FTO: variants seen among roughly 807,000 people sequenced by gnomAD.
The protein encoded by FTO is alpha-ketoglutarate-dependent dioxygenase FTO.
Under a neutral mutation model 63.9 loss-of-function variants are expected in FTO, and 47 were observed. That is an observed-to-expected ratio of 0.74 (90% CI 0.58 to 0.94). The LOEUF (loss-of-function observed/expected upper bound fraction) is 0.94. FTO is among the 40% of genes least tolerant of loss of function. The pLI is 0.00. For missense variants in FTO, 562 were observed against 618.1 expected, an observed-to-expected ratio of 0.91 and a Z score of 0.96; for synonymous variants, 207 against 224.4, an observed-to-expected ratio of 0.92 and a Z score of 0.69.
chr16:53,868,808 A>G (rs985526592), intron 4 of FTO, among the ~76,000 whole-genome samples: 4 of 151,912 alleles, frequency 2.6e-5, no homozygotes, highest in African/African-American at 7.3e-5. Context: ...TGTCTGAAAC[A>G]TTTTTTTAAA....
intron 4 of FTO, among the ~76,000 whole-genome samples, chr16:53,856,160 A>G (rs2079985844): frequency 6.6e-6 from 1 of 152,014 alleles, no homozygotes; most frequent in African/African-American, 2.4e-5. Flanking sequence ...TCCTGTAAAG[A>G]CAGTGGAAGA....
chr16:53,875,310 G>A (rs879397242), intron 5 of FTO, among the ~76,000 whole-genome samples: 1 of 152,090 alleles, frequency 6.6e-6, no homozygotes, highest in Non-Finnish European at 1.5e-5. Context: ...CCAGAAGAGT[G>A]GACAGTCTCA....
At chr16:54,066,462 T>A (rs149875915) in intron 8 of FTO, among the ~76,000 whole-genome samples, 1 of 152,362 alleles carries the variant, frequency 6.6e-6, no homozygotes, top group African/African-American at 2.4e-5. Context: ...AGCTTTGCCC[T>A]TCATATGATT....
intron 7 of FTO, among the ~76,000 whole-genome samples, chr16:53,909,764 A>G (rs2081638839): frequency 6.6e-6 from 1 of 151,898 alleles, no homozygotes; most frequent in South Asian, 2.1e-4. Flanking sequence ...GGGTTTCACC[A>G]TGTTGGCCAG....
At chr16:54,001,415 ATTT>A (rs1444883640) in intron 8 of FTO, among the ~76,000 whole-genome samples, 22 of 151,844 alleles carry the variant, frequency 1.4e-4, no homozygotes, top group Non-Finnish European at 2.5e-4. Flanking sequence ...TTGGTTGTGG[ATTT>A]TTCTTTTCTG....
At chr16:53,819,801 C>G (rs922976508) in intron 2 of FTO, among the ~76,000 whole-genome samples, 1 of 152,112 alleles carries the variant, frequency 6.6e-6, no homozygotes. Context: ...AGGCATACAA[C>G]CATCATCACA....
chr16:54,061,954 G>A (rs1333765475), intron 8 of FTO, among the ~76,000 whole-genome samples: 1 of 152,062 alleles, frequency 6.6e-6, no homozygotes, highest in East Asian at 1.9e-4. Context: ...AGTTCCTGGC[G>A]GCAATAAAAT....
chr16:53,880,584 G>A (rs1016448231), intron 6 of FTO, among the ~76,000 whole-genome samples: 12 of 152,242 alleles, frequency 7.9e-5, no homozygotes, highest in Non-Finnish European at 1.6e-4. Context: ...AGATCAGATG[G>A]CATCAAGTTC....
intron 3 of FTO, among the ~76,000 whole-genome samples, chr16:53,835,223 T>C (rs1281488859): frequency 6.6e-6 from 1 of 152,238 alleles, no homozygotes; most frequent in Non-Finnish European, 1.5e-5. Context: ...TCTGGTGTTC[T>C]ATGCCTGATG....
intron 8 of FTO, among the ~76,000 whole-genome samples, chr16:54,064,495 A>G (rs2085671283): frequency 6.6e-6 from 1 of 152,244 alleles, no homozygotes; most frequent in Admixed American, 6.5e-5. Flanking sequence ...TTTGTGCACC[A>G]GAATGGTAAA....
chr16:54,007,058 A>G (rs1325804334), intron 8 of FTO, among the ~76,000 whole-genome samples: 1 of 152,176 alleles, frequency 6.6e-6, no homozygotes, highest in East Asian at 1.9e-4. Context: ...AAGGTATTTT[A>G]AAAATAATTT....
At chr16:53,750,938 T>C (rs1003635976) in intron 1 of FTO, among the ~76,000 whole-genome samples, 8 of 152,252 alleles carry the variant, frequency 5.3e-5, no homozygotes, top group African/African-American at 1.9e-4. Context: ...GAAATAGAAC[T>C]GTTCTTCCTC....
intron 8 of FTO, among the ~76,000 whole-genome samples, chr16:53,952,918 T>C (rs552755890): frequency 1.3e-5 from 2 of 152,334 alleles, no homozygotes; most frequent in African/African-American, 4.8e-5. Flanking sequence ...AAGTGCCTAC[T>C]TTTTTTGAGC....
At chr16:53,749,486 G>T (rs1244577693) in intron 1 of FTO, among the ~76,000 whole-genome samples, 1 of 150,292 alleles carries the variant, frequency 6.7e-6, no homozygotes, top group Non-Finnish European at 1.5e-5. Context: ...TGGCCCACGC[G>T]GGAGTGCAGT....
Position 54,089,616 on chromosome 16 carries a change from A to C in FTO, c.1365-22146A>C, listed in dbSNP as rs2086331067. Among the ~76,000 whole-genome samples, 3 of 152,350 alleles carry C rather than the reference A, an allele frequency of 2.0e-5. No homozygotes were observed. The South Asian group carries it at 6.2e-4, about 32-fold the overall frequency. On this transcript the variant is annotated intron_variant, in intron 8 of 8. Coordinates refer to ENST00000471389, the MANE Select transcript of FTO (RefSeq NM_001080432.3). ...AAAAATAGCGTATAGAATGGAAGAA[A>C]ATATTGCAAATCATATAATCTGATA...
At chr16:53,817,714 A>G (rs1419390768) in intron 2 of FTO, among the ~76,000 whole-genome samples, 1 of 152,198 alleles carries the variant, frequency 6.6e-6, no homozygotes, top group Non-Finnish European at 1.5e-5. Flanking sequence ...ATCTCTTGAT[A>G]TGGGAGGAAA....
At chr16:53,871,736 T>A (rs978766885) in intron 4 of FTO, among the ~76,000 whole-genome samples, 4 of 151,910 alleles carry the variant, frequency 2.6e-5, no homozygotes, top group Non-Finnish European at 4.4e-5. Context: ...TTTTTTTTTT[T>A]AAATTTTGAG....
At chr16:53,917,918 A>T (rs749598939) in intron 7 of FTO, among the ~76,000 whole-genome samples, 3 of 152,130 alleles carry the variant, frequency 2.0e-5, no homozygotes, top group Non-Finnish European at 4.4e-5. Flanking sequence ...TCACTGAATT[A>T]TCCTTTTCTA....
chr16:53,835,939 G>T (rs1378702101), intron 3 of FTO, among the ~76,000 whole-genome samples: 1 of 146,114 alleles, frequency 6.8e-6, no homozygotes. Flanking sequence ...CACCCAGGCT[G>T]GTGTGCAATG....
Sources: gnomAD v4.1 joint callset for allele counts (sites outside exome capture counted in the v4.1 genomes callset) on GRCh38, gnomAD v4.1.1 for gene constraint, MANE v1.5 for transcripts, NCBI Gene and HGNC (gene_info 2026-07-23, HGNC 2026-07-21) for gene names.